Variants in FKBP5 observed in about 807,000 individuals in gnomAD.
The protein encoded by FKBP5 is FKBP prolyl isomerase 5, also known as peptidyl-prolyl cis-trans isomerase FKBP5.
Under a neutral mutation model 50.5 loss-of-function variants are expected in FKBP5, and 23 were observed. That is an observed-to-expected ratio of 0.46 (90% CI 0.33 to 0.65). FKBP5 has a LOEUF of 0.65. Ranked by LOEUF, FKBP5 falls within the 30% of genes least tolerant of loss-of-function variation. The pLI is 0.02. For synonymous variants in FKBP5, 176 were observed against 190.6 expected, an observed-to-expected ratio of 0.92 and a Z score of 0.63; for missense variants, 411 against 553.1, an observed-to-expected ratio of 0.74 and a Z score of 2.58.
At chr6:35,657,177 T>C (rs376369668) in intron 1 of FKBP5, among the ~76,000 whole-genome samples, 2 of 152,136 alleles carry the variant, frequency 1.3e-5, no homozygotes, top group African/African-American at 4.8e-5. Context: ...ATCGCGCCAC[T>C]GCACTCCAGC....
At chr6:35,694,780 G>T (rs1336796962) in intron 2 of FKBP5, among the ~76,000 whole-genome samples, 1 of 152,164 alleles carries the variant, frequency 6.6e-6, no homozygotes, top group Admixed American at 6.5e-5. Context: ...TAAGATTGGG[G>T]TTTTTTTAGT....
Position 35,659,248 on chromosome 6 carries a change from AT to A in FKBP5, c.-19-16406del, listed in dbSNP as rs1171151862. Among the ~76,000 whole-genome samples the A allele has an allele frequency of 1.9e-3, 129 of 68,546 alleles. 40 individuals are homozygous for A. Among genetic ancestry groups the A allele is most frequent in the East Asian group, 3.3e-3 (7 of 2,148 alleles). The allele number at this position is 68,546 out of a possible 152,430, so 45.0% of individuals were successfully genotyped here. ...CTAGAGTTTTCTTTGTGGGAATTCA[AT>A]TTTTTTTTTTTTTTCGAGACTGAGT... On this transcript the variant is annotated intron_variant, in intron 1 of 10. Coordinates refer to ENST00000357266, the MANE Select transcript of FKBP5 (RefSeq NM_004117.4).
At chr6:35,611,575 G>A (rs1763495769) in intron 5 of FKBP5, among the ~76,000 whole-genome samples, 1 of 152,158 alleles carries the variant, frequency 6.6e-6, no homozygotes. Flanking sequence ...AGAAAGCAAA[G>A]CTGAAAAGTA....
rs71002582 is a variant in FKBP5 at position 35,649,249 on chromosome 6, T to TAA, written c.-19-6408_-19-6407dup. Among the ~76,000 whole-genome samples the TAA allele has an allele frequency of 1.3e-3, 132 of 102,164 alleles. 1 individual carries two copies. The highest frequency in any genetic ancestry group is 4.9e-3 in the Middle Eastern group (1 of 206). The allele number at this position is 102,164 out of a possible 152,430, so 67.0% of individuals were successfully genotyped here. On this transcript the variant is annotated intron_variant, in intron 1 of 10. Transcript: ENST00000357266. Reference sequence around the variant, plus strand: ...CTGGGCGACAGAGCAAGACTCTGTCTAAAAAAAAAAAAAAAAAAAAGAATT... The same window carrying TAA: ...CTGGGCGACAGAGCAAGACTCTGTCTAAAAAAAAAAAAAAAAAAAAAAGAATT...
intron 2 of FKBP5, among the ~76,000 whole-genome samples, chr6:35,696,282 G>A (rs1478698846): frequency 6.6e-6 from 1 of 152,082 alleles, no homozygotes; most frequent in East Asian, 1.9e-4. Flanking sequence ...AGCACTTTGG[G>A]AGGCAGGTGG....
chr6:35,677,082 GT>G (rs1483948485), intron 1 of FKBP5, among the ~76,000 whole-genome samples: 2 of 152,114 alleles, frequency 1.3e-5, no homozygotes, highest in African/African-American at 2.4e-5. Flanking sequence ...TTGTTGTGTT[GT>G]TTTGTTTTAA....
chr6:35,637,162 G>T lies in FKBP5; in HGVS notation c.106-4C>A, dbSNP rs1353542416. ...CATTCCCCACTCTTTTGACAATCTA[G>T]AAAAGACAAACATTAAGAAAAAGGA... On this transcript the variant is annotated splice_region_variant and splice_polypyrimidine_tract_variant and intron_variant, in intron 2 of 10. Transcript: ENST00000357266. The T allele has an allele frequency of 6.2e-7, 1 of 1,602,776 alleles. No homozygotes were observed. The highest frequency in any genetic ancestry group is 1.8e-5 in the Admixed American group (1 of 56,220).
intron 1 of FKBP5, among the ~76,000 whole-genome samples, chr6:35,681,106 G>A (rs1294938432): frequency 6.6e-6 from 1 of 152,038 alleles, no homozygotes; most frequent in Non-Finnish European, 1.5e-5. Flanking sequence ...CCTAACTGAG[G>A]TATTTCATGT....
intron 5 of FKBP5, among the ~76,000 whole-genome samples, chr6:35,610,958 G>A (rs1213392098): frequency 6.6e-6 from 1 of 152,140 alleles, no homozygotes; most frequent in Non-Finnish European, 1.5e-5. Flanking sequence ...AGGTTTACTG[G>A]CCCCGCTGTT....
intron 2 of FKBP5, among the ~76,000 whole-genome samples, chr6:35,701,390 C>T (rs1444853018): frequency 1.3e-5 from 2 of 150,124 alleles, no homozygotes; most frequent in African/African-American, 2.4e-5. Context: ...ACTACAGGCG[C>T]CCGCCACTAC....
rs1293711444 is a variant in FKBP5 at position 35,688,792 on chromosome 6, T to C, written c.-20+12A>G. ...GCCGGCCGCCCCATCTCCGTGGCCA[T>C]GGCGCCGGTACCTGTCGCCGCGGGG... On this transcript the variant is annotated intron_variant, in intron 1 of 10. Transcript: ENST00000357266. The C allele has an allele frequency of 2.0e-5, 3 of 150,760 alleles. No individual in the cohort carries two copies. The highest frequency in any genetic ancestry group is 4.4e-5 in the Non-Finnish European group (3 of 67,544). 9.3% of individuals were successfully genotyped at this position (150,760 alleles called of 1,614,324 possible).
intron 8 of FKBP5, chr6:35,586,697 T>C: frequency 8.9e-7 from 1 of 1,122,598 alleles, no homozygotes; most frequent in Non-Finnish European, 1.1e-6. Flanking sequence ...CATTCTTTTT[T>C]CATTCCAAAA....
In FKBP5 at chr6:35,603,128, G is replaced by A. The variant is rs1271408522; in HGVS notation, c.509-5724C>T. Among the ~76,000 whole-genome samples, 6 of 152,194 alleles carry A rather than the reference G, an allele frequency of 3.9e-5. No homozygotes were observed. The East Asian group carries it at 7.7e-4, about 20-fold the overall frequency. ...GGATTAAATTAGATACTGAATTAGA[G>A]CTTTTAATCTAGCACCTGATATTCA... On this transcript the variant is annotated intron_variant, in intron 5 of 10. Transcript: ENST00000357266.
intron 8 of FKBP5, chr6:35,586,766 T>C (rs1378113728): frequency 1.5e-6 from 2 of 1,360,888 alleles, no homozygotes; most frequent in African/African-American, 2.9e-5. Context: ...AGTGATACTG[T>C]GGTGGGTGGG....
chr6:35,712,429 G>T (rs1435218699), intron 2 of FKBP5, among the ~76,000 whole-genome samples: 1 of 152,074 alleles, frequency 6.6e-6, no homozygotes, highest in African/African-American at 2.4e-5. Flanking sequence ...GAGGGTAAGG[G>T]GTGGTAGGTA....
intron 1 of FKBP5, among the ~76,000 whole-genome samples, chr6:35,645,614 T>C (rs1393377673): frequency 6.6e-6 from 1 of 152,222 alleles, no homozygotes; most frequent in Non-Finnish European, 1.5e-5. Flanking sequence ...ATTACTACTA[T>C]ATGTCAGCCT....
At position 35,580,383 on chromosome 6, in the gene FKBP5, AGGCCTCGAT is replaced by A. The variant is rs1372267120; in HGVS notation, c.841-171_841-163del. ...CCAGGTACCTTTCCCACTCCCTTGG[AGGCCTCGAT>A]GGCCTGTGGGCTGGTTTGGGGCAGT... is the stretch of plus-strand genomic sequence containing the variant. On this transcript the variant is annotated intron_variant, in intron 8 of 10. Transcript: ENST00000357266. 2.6e-5 allele frequency among the ~76,000 whole-genome samples: 4 copies of A among 152,088 alleles called. No homozygotes were observed. In the East Asian group the frequency reaches 7.7e-4, roughly 29 times the overall value.
intron 1 of FKBP5, among the ~76,000 whole-genome samples, chr6:35,682,905 TA>T (rs569511819): frequency 0.033 from 4,029 of 122,660 alleles, 157 homozygotes; most frequent in African/African-American, 0.11. Context: ...CAATCTCTTT[TA>T]AAAAAAAAAA....
chr6:35,632,523 A>C (rs1764191488), intron 3 of FKBP5, among the ~76,000 whole-genome samples: 1 of 151,928 alleles, frequency 6.6e-6, no homozygotes, highest in African/African-American at 2.4e-5. Context: ...TACTTATATA[A>C]TCATATATAA....
Sources: allele counts gnomAD v4.1 joint callset (sites outside exome capture counted in the v4.1 genomes callset), GRCh38; gene constraint gnomAD v4.1.1; transcripts MANE v1.5; gene names NCBI Gene and HGNC (gene_info 2026-07-23, HGNC 2026-07-21).